LAMA3: variants seen among roughly 807,000 people sequenced by gnomAD.
The protein encoded by LAMA3 is laminin subunit alpha-3.
LAMA3 carries 281 observed loss-of-function variants against 402.0 expected under a neutral mutation model. That is an observed-to-expected ratio of 0.70 (90% CI 0.63 to 0.77). The LOEUF is 0.77. Among genes scored for constraint, LAMA3 ranks in the 30% least tolerant of loss-of-function variants. The probability of loss-of-function intolerance (pLI) is 0.00; values close to 1 mark genes in which losing one functional copy is unlikely to be tolerated. For missense variants in LAMA3, 3,840 were observed against 4,215.5 expected (o/e 0.91, Z 2.47); for synonymous variants, 1,431 against 1,558.4 (o/e 0.92, Z 1.93).
intron 65 of LAMA3, chr18:23,931,734 C>A (rs1169892009): frequency 1.3e-5 from 3 of 239,392 alleles, no homozygotes; most frequent in Non-Finnish European, 2.4e-5. Flanking sequence ...AGAACTAATC[C>A]ATTCCATCAG....
intron 1 of LAMA3, among the ~76,000 whole-genome samples, chr18:23,693,284 G>A (rs184141339): frequency 2.0e-4 from 31 of 152,198 alleles, no homozygotes; most frequent in African/African-American, 5.1e-4. Context: ...CTGAGATCGC[G>A]CCATTGCACT....
intron 67 of LAMA3, among the ~76,000 whole-genome samples, chr18:23,937,609 G>T (rs1000054308): frequency 6.6e-6 from 1 of 152,118 alleles, no homozygotes; most frequent in Admixed American, 6.5e-5. Flanking sequence ...ACATTTGGTG[G>T]CAAAGGCTGT....
At position 23,822,389 on chromosome 18, in the gene LAMA3, G is replaced by A; in HGVS notation, c.2428+14G>A. 2 of 1,612,030 alleles carry A rather than the reference G, an allele frequency of 1.2e-6. No individual in the cohort carries two copies. The highest frequency in any genetic ancestry group is 1.1e-5 in the South Asian group (1 of 91,030). On this transcript the variant is annotated intron_variant, in intron 20 of 74. Coordinates refer to ENST00000313654, the MANE Select transcript of LAMA3 (RefSeq NM_198129.4). The stretch of plus-strand genomic sequence containing the variant: ...ATCCATCCTGGGGTAAGGCACGTAG[G>A]TAAAATGTCAAGCCTCTTTTCAATT...
chr18:23,795,200 A>C (rs933568120), intron 12 of LAMA3, among the ~76,000 whole-genome samples: 11 of 152,254 alleles, frequency 7.2e-5, no homozygotes, highest in Non-Finnish European at 1.5e-5. Flanking sequence ...AGCCAATTGC[A>C]TGGCAAATTA....
At chr18:23,704,951 G>A (rs1426926574) in intron 1 of LAMA3, among the ~76,000 whole-genome samples, 1 of 152,124 alleles carries the variant, frequency 6.6e-6, no homozygotes, top group Non-Finnish European at 1.5e-5. Flanking sequence ...TGGGCTTCTG[G>A]TTTATTCTCT....
At chr18:23,938,774 A>G (rs1360764859) in intron 67 of LAMA3, among the ~76,000 whole-genome samples, 1 of 151,492 alleles carries the variant, frequency 6.6e-6, no homozygotes, top group African/African-American at 2.4e-5. Context: ...GCTTTCAGAG[A>G]AGAACCCAGA....
At chr18:23,868,032 A>T in intron 37 of LAMA3, 115 bp downstream of exon 37, 1 of 829,222 alleles carries the variant, frequency 1.2e-6, no homozygotes, top group South Asian at 1.5e-5. Context: ...ATTTATATAA[A>T]TATGTTTATA....
intron 11 of LAMA3, among the ~76,000 whole-genome samples, chr18:23,781,882 T>G (rs1306944074): frequency 6.6e-6 from 1 of 152,248 alleles, no homozygotes; most frequent in Non-Finnish European, 1.5e-5. Flanking sequence ...AATGGCATAT[T>G]CTAAATCCCT....
intron 12 of LAMA3, among the ~76,000 whole-genome samples, chr18:23,784,599 C>A (rs1338707585): frequency 2.0e-5 from 3 of 152,116 alleles, no homozygotes; most frequent in Non-Finnish European, 4.4e-5. Context: ...CACATGCAAA[C>A]CATAGAGACA....
At chr18:23,932,065 T>C in intron 65 of LAMA3, 95 bp from the exon 66 acceptor site, 3 of 1,421,292 alleles carry the variant, frequency 2.1e-6, no homozygotes, top group Non-Finnish European at 3.0e-6. Flanking sequence ...AGATAACAAA[T>C]ATTGAATCTG....
chr18:23,886,736 T>C (rs2065086633), intron 41 of LAMA3, among the ~76,000 whole-genome samples: 1 of 152,266 alleles, frequency 6.6e-6, no homozygotes, highest in African/African-American at 2.4e-5. Flanking sequence ...GAAAATGAAT[T>C]CAACCAGATT....
At position 23,903,080 on chromosome 18, in the gene LAMA3, G is replaced by A; in HGVS notation, c.6273G>A (p.Leu2091=). 6.2e-7 allele frequency: 1 copy of A among 1,613,228 alleles called. No individual in the cohort carries two copies. Among genetic ancestry groups the A allele is most frequent in the Non-Finnish European group, 8.5e-7 (1 of 1,179,348 alleles). ...ATCTAACCACTGCAGACTCATCTTT[G>A]TTGCAAACCAACATTGCGCTGCAGC... ...TKYLTTADSS[L]LQTNIALQLM... Residue 2091 remains leucine, a synonymous_variant, in exon 49 of 75, where the codon TTG becomes TTA. Transcript: ENST00000313654.
At chr18:23,909,934 CATCGTGCCCAAT>C (rs1219539544) in intron 55 of LAMA3, among the ~76,000 whole-genome samples, 1 of 152,214 alleles carries the variant, frequency 6.6e-6, no homozygotes, top group Non-Finnish European at 1.5e-5. Flanking sequence ...GCCCTGGAGG[CATCGTGCCCAAT>C]AACCAGGCTC....
At chr18:23,790,834 G>A (rs2062636350) in intron 12 of LAMA3, among the ~76,000 whole-genome samples, 1 of 151,810 alleles carries the variant, frequency 6.6e-6, no homozygotes, top group South Asian at 2.1e-4. Context: ...TCTATAAAGA[G>A]CAAGGACCAA....
rs903251653 is a variant in LAMA3 at position 23,918,004 on chromosome 18, GT to G, written c.7923+1318del. On this transcript the variant is annotated intron_variant, in intron 60 of 74. Transcript: ENST00000313654. This position sits in a 1 kb window ranked among gnomAD's most constrained non-coding sequence, Gnocchi z 4.1. ...TGTCTAGAATAGGTTTTCTTCAAGG[GT>G]TTTTTTTTATAGTTTTAGGTTTTAC... Among the ~76,000 whole-genome samples, 343 of 150,994 alleles carry G rather than the reference GT, an allele frequency of 2.3e-3. No homozygotes were observed. The highest frequency in any genetic ancestry group is 7.9e-3 in the African/African-American group (324 of 41,176).
chr18:23,710,345 A>C, intron 1 of LAMA3: 1 of 417,030 alleles, frequency 2.4e-6, no homozygotes. Flanking sequence ...TGCCCTTTTA[A>C]AAAGCCCCAC....
At chr18:23,858,236 AT>A (rs1368159018) in intron 33 of LAMA3, among the ~76,000 whole-genome samples, 4 of 152,286 alleles carry the variant, frequency 2.6e-5, no homozygotes, top group African/African-American at 9.6e-5. Flanking sequence ...TTCCAGAAAA[AT>A]CAGCACAAAC....
At chr18:23,815,279 G>A (rs776599885) in intron 16 of LAMA3, 39 bp downstream of exon 16, 10 of 1,582,462 alleles carry the variant, frequency 6.3e-6, no homozygotes, top group Admixed American at 3.4e-5. Context: ...ACAGCAGAAT[G>A]CTACAGCAAC....
chr18:23,945,386 C>A (rs779100029), intron 69 of LAMA3, among the ~76,000 whole-genome samples: 3 of 152,102 alleles, frequency 2.0e-5, no homozygotes, highest in Non-Finnish European at 4.4e-5. Flanking sequence ...AGATCACATC[C>A]TGTGATTTGG....
Sources: allele counts gnomAD v4.1 joint callset (sites outside exome capture counted in the v4.1 genomes callset), GRCh38; gene constraint gnomAD v4.1.1; non-coding constraint Gnocchi (gnomAD v3.1); transcripts MANE v1.5; gene names NCBI Gene and HGNC (gene_info 2026-07-23, HGNC 2026-07-21).